The following ANKRD26 variants were observed in gnomAD, a reference collection of about 807,000 sequenced individuals.
ANKRD26 encodes ankyrin repeat domain-containing protein 26.
Under a neutral mutation model 208.7 loss-of-function variants are expected in ANKRD26, and 141 were observed. The observed-to-expected ratio is 0.68, with a 90% CI of 0.59 to 0.78. The LOEUF (loss-of-function observed/expected upper bound fraction) is 0.78. Ranked by LOEUF, ANKRD26 falls within the 30% of genes least tolerant of loss-of-function variation. The probability of loss-of-function intolerance (pLI) is 0.00; values close to 1 mark genes in which losing one functional copy is unlikely to be tolerated. For missense variants in ANKRD26, 1,889 were observed against 1,938.7 expected, an observed-to-expected ratio of 0.97 and a Z score of 0.48; for synonymous variants, 636 against 660.4, an observed-to-expected ratio of 0.96 and a Z score of 0.57.
chr10:27,010,419 C>T (rs1433694873), intron 32 of ANKRD26, among the ~76,000 whole-genome samples: 1 of 152,098 alleles, frequency 6.6e-6, no homozygotes, highest in Admixed American at 6.5e-5. Flanking sequence ...AATGTTGTTA[C>T]CTGAGTTTTC....
At chr10:27,071,108 A>C (rs2055470672) in intron 9 of ANKRD26, among the ~76,000 whole-genome samples, 1 of 150,986 alleles carries the variant, frequency 6.6e-6, no homozygotes, top group Admixed American at 6.6e-5. Context: ...GATATTAATT[A>C]TTAGCACAAG....
downstream of ANKRD26, among the ~76,000 whole-genome samples, chr10:26,999,647 C>G (rs1452630731): frequency 6.6e-6 from 1 of 152,074 alleles, no homozygotes; most frequent in Non-Finnish European, 1.5e-5. Context: ...AGGAGGCATT[C>G]CTCCCAGACA....
chr10:27,052,750 C>T (rs1040858658), intron 16 of ANKRD26, among the ~76,000 whole-genome samples: 9 of 151,892 alleles, frequency 5.9e-5, no homozygotes, highest in Non-Finnish European at 1.5e-5. Flanking sequence ...TGGAAAGATC[C>T]CATTCTGAAA....
At chr10:27,052,925 C>T (rs1369881278) in intron 16 of ANKRD26, among the ~76,000 whole-genome samples, 1 of 152,122 alleles carries the variant, frequency 6.6e-6, no homozygotes, top group Admixed American at 6.5e-5. Flanking sequence ...ATGATTACTC[C>T]TTTAAGATGA....
intron 5 of ANKRD26, among the ~76,000 whole-genome samples, chr10:26,976,887 C>A (rs886723819): frequency 2.0e-5 from 3 of 152,132 alleles, no homozygotes; most frequent in Non-Finnish European, 4.4e-5. Context: ...AGCCAAGGAA[C>A]CTCACACGTA....
rs568389451 is a variant in ANKRD26, at chr10:27,083,871, T to C, written c.710-1038A>G. ...ATGTTATTCACTTACATATTATTTA[T>C]GACTGCTTTCACATTACAATGGCAG... On this transcript the variant is annotated intron_variant, in intron 5 of 33. Coordinates refer to ENST00000376087, the MANE Select transcript of ANKRD26 (RefSeq NM_014915.3). Among the ~76,000 whole-genome samples, 145 of 152,346 alleles carry C rather than the reference T, an allele frequency of 9.5e-4. 2 individuals are homozygous for C. The highest frequency in any genetic ancestry group is 3.3e-3 in the African/African-American group (137 of 41,588).
At chr10:27,018,033 T>C (rs1190420524) in intron 29 of ANKRD26, among the ~76,000 whole-genome samples, 1 of 152,168 alleles carries the variant, frequency 6.6e-6, no homozygotes, top group African/African-American at 2.4e-5. Context: ...ACATTTGCAC[T>C]TGATCTTCGA....
the ANKRD26 span, among the ~76,000 whole-genome samples, chr10:26,951,084 T>C: frequency 2.0e-5 from 3 of 150,990 alleles, no homozygotes; most frequent in Non-Finnish European, 2.9e-5. Context: ...TATTCATTTT[T>C]GTAAAATGTC....
At chr10:26,949,490 TATTA>T in the ANKRD26 span, among the ~76,000 whole-genome samples, 22 of 151,842 alleles carry the variant, frequency 1.4e-4, no homozygotes, top group East Asian at 3.9e-4. Flanking sequence ...CTTATAGTTA[TATTA>T]ATTAATTTAT....
chr10:26,975,558 C>T (rs1168128576), exon 6 of ANKRD26, among the ~76,000 whole-genome samples: 2 of 151,942 alleles, frequency 1.3e-5, no homozygotes, highest in African/African-American at 2.4e-5. Context: ...AGGAGCTCTA[C>T]AGGCCTGGCA....
chr10:26,949,409 T>C, the ANKRD26 span, among the ~76,000 whole-genome samples: 1 of 145,872 alleles, frequency 6.9e-6, no homozygotes, highest in African/African-American at 2.4e-5. Context: ...GACAAATTAG[T>C]AGTAACTCCT....
chr10:26,958,459 C>T, the ANKRD26 span, among the ~76,000 whole-genome samples: 2 of 152,096 alleles, frequency 1.3e-5, no homozygotes, highest in African/African-American at 2.4e-5. Flanking sequence ...TAACCCCCTA[C>T]AGGTGCCCAG....
the ANKRD26 span, among the ~76,000 whole-genome samples, chr10:26,949,663 C>T: frequency 1.3e-5 from 2 of 152,092 alleles, no homozygotes; most frequent in Non-Finnish European, 2.9e-5. Context: ...TGCCACCACG[C>T]CTGGCTAATT....
At chr10:27,046,039 T>C (rs1373969126) in intron 18 of ANKRD26, 5 of 257,058 alleles carry the variant, frequency 1.9e-5, no homozygotes, top group Non-Finnish European at 3.0e-5. Flanking sequence ...CTCTAAAAGC[T>C]TGCATTTTAA....
intron 27 of ANKRD26, among the ~76,000 whole-genome samples, chr10:27,026,620 T>G (rs963880847): frequency 1.3e-5 from 2 of 152,176 alleles, no homozygotes; most frequent in Admixed American, 6.5e-5. Context: ...GTATTTACAA[T>G]GCAACCTTCT....
chr10:26,984,859 T>C (rs1035202014), intron 3 of ANKRD26, among the ~76,000 whole-genome samples: 2 of 152,126 alleles, frequency 1.3e-5, no homozygotes, highest in Non-Finnish European at 2.9e-5. Context: ...GTTTTAATTA[T>C]ACCATTGGTC....
chr10:27,044,040 C>T lies in ANKRD26; in HGVS notation c.2019+117G>A, dbSNP rs879806383. ...AATTCCTGGAGTCAAGCAATCCTCC[C>T]GCTTTAGCCTTCCAAAGTGCTGAGA... On this transcript the variant is annotated intron_variant, in intron 19 of 33. Coordinates refer to ENST00000376087, the MANE Select transcript of ANKRD26 (RefSeq NM_014915.3). 28 of 752,770 alleles carry T rather than the reference C, an allele frequency of 3.7e-5. 1 individual carries two copies. In the Middle Eastern group the frequency reaches 1.8e-3, roughly 48 times the overall value. The allele number at this position is 752,770 out of a possible 1,614,324, so 46.6% of individuals were successfully genotyped here.
At chr10:27,092,713 G>A (rs757260200) in intron 3 of ANKRD26, among the ~76,000 whole-genome samples, 31 of 151,972 alleles carry the variant, frequency 2.0e-4, no homozygotes, top group Non-Finnish European at 3.5e-4. Flanking sequence ...AATTTTTACC[G>A]GTTCTAAGAA....
chr10:27,027,069 C>T (rs1328189329), intron 27 of ANKRD26, among the ~76,000 whole-genome samples: 2 of 152,036 alleles, frequency 1.3e-5, no homozygotes, highest in African/African-American at 2.4e-5. Flanking sequence ...TGAGCCACTG[C>T]GCCTGACAGG....
Sources: allele counts gnomAD v4.1 joint callset (sites outside exome capture counted in the v4.1 genomes callset), GRCh38; gene constraint gnomAD v4.1.1; transcripts MANE v1.5; gene names NCBI Gene and HGNC (gene_info 2026-07-23, HGNC 2026-07-21).